The following CREBBP variants were observed in gnomAD, a reference collection of about 807,000 sequenced individuals.
CREBBP encodes CREB-binding protein.
Under a neutral mutation model 265.0 loss-of-function variants are expected in CREBBP, and 19 were observed. That is an observed-to-expected ratio of 0.07 (90% confidence interval 0.05 to 0.11). CREBBP has a LOEUF of 0.11. CREBBP is among the 10% of genes least tolerant of loss of function. The probability of loss-of-function intolerance (pLI) is 1.00; values close to 1 mark genes in which losing one functional copy is unlikely to be tolerated. For missense variants in CREBBP, 2,525 were observed against 3,219.0 expected, an observed-to-expected ratio of 0.78 and a Z score of 5.22; for synonymous variants, 1,457 against 1,223.7, an observed-to-expected ratio of 1.19 and a Z score of -3.98.
At chr16:3,823,923 T>C (rs1452099187) in intron 2 of CREBBP, among the ~76,000 whole-genome samples, 4 of 152,010 alleles carry the variant, frequency 2.6e-5, no homozygotes, top group East Asian at 3.9e-4. Flanking sequence ...GATGCTCTTA[T>C]CTTTAGGACA....
intron 3 of CREBBP, among the ~76,000 whole-genome samples, chr16:3,795,137 C>G (rs148322343): frequency 5.3e-5 from 8 of 152,144 alleles, no homozygotes; most frequent in African/African-American, 1.7e-4. Flanking sequence ...TGAGAAGGAC[C>G]CAAAGCAATT....
chr16:3,814,675 TCAA>T (rs1203186885), intron 2 of CREBBP, among the ~76,000 whole-genome samples: 2 of 152,118 alleles, frequency 1.3e-5, no homozygotes, highest in African/African-American at 4.8e-5. Flanking sequence ...GGAAACAGTC[TCAA>T]CAAGTTTTTA....
chr16:3,748,021 C>T (rs200772808), intron 21 of CREBBP, among the ~76,000 whole-genome samples: 9 of 152,170 alleles, frequency 5.9e-5, no homozygotes, highest in African/African-American at 1.9e-4. Flanking sequence ...ACCCGGGAGA[C>T]GGAGGTTGCG....
At chr16:3,846,890 C>G (rs2054679300) in intron 2 of CREBBP, among the ~76,000 whole-genome samples, 1 of 152,200 alleles carries the variant, frequency 6.6e-6, no homozygotes, top group Admixed American at 6.5e-5. Flanking sequence ...AGAATTAACT[C>G]TCTGGTTCTT....
Position 3,736,152 on chromosome 16 carries a change from G to C in CREBBP, c.4612C>G (p.Pro1538Ala). ...EDRLTSAKEL[P>A]YFEGDFWPNV... is the part of the protein sequence containing the mutation. ...GGCCAGAAATCACCTTCAAAATAGG[G>C]CAGTTCCTTGGCACTGGTGAGCCTG... The change falls in exon 28 of 31, where the codon CCC (proline) becomes GCC (alanine). Residue 1538 changes from proline to alanine, a missense_variant. Around this residue, in one of 19 missense-constraint regions of CREBBP, gnomAD observed 93 missense variants for 161.5 expected, o/e 0.58. Coordinates refer to ENST00000262367, the MANE Select transcript of CREBBP (RefSeq NM_004380.3). The C allele has an allele frequency of 1.2e-6, 2 of 1,614,190 alleles. No individual in the cohort carries two copies. Among genetic ancestry groups the C allele is most frequent in the Non-Finnish European group, 1.7e-6 (2 of 1,180,036 alleles).
rs534544169 is a variant in CREBBP at position 3,758,854 on chromosome 16, T to C, written c.3369A>G (p.Pro1123=). The change falls in exon 17 of 31, where the codon CCA becomes CCG. Residue 1123 remains proline, a splice_region_variant and synonymous_variant. Coordinates refer to ENST00000262367, the MANE Select transcript of CREBBP (RefSeq NM_004380.3). ...QPVDPQLLGI[P]DYFDIVKNPM... is the part of the protein sequence containing the mutation. Reference sequence around the variant, plus strand: ...AATCTATTTTTATGAATTAACTTACTGGAATTCCGAGGAGCTGGGGATCTA... The same window carrying C: ...AATCTATTTTTATGAATTAACTTACCGGAATTCCGAGGAGCTGGGGATCTA... 2.5e-6 allele frequency: 4 copies of C among 1,605,328 alleles called. No homozygotes were observed. The highest frequency in any genetic ancestry group is 1.1e-5 in the South Asian group (1 of 90,854).
chr16:3,862,983 A>G (rs961369329), intron 1 of CREBBP, among the ~76,000 whole-genome samples: 6 of 152,196 alleles, frequency 3.9e-5, no homozygotes, highest in African/African-American at 1.2e-4. Context: ...TTCATTTAAC[A>G]TGGAAACATG....
chr16:3,786,406 T>C (rs1166543379), intron 5 of CREBBP, among the ~76,000 whole-genome samples: 3 of 152,178 alleles, frequency 2.0e-5, no homozygotes, highest in African/African-American at 7.2e-5. Flanking sequence ...AGAGGTTTTC[T>C]GTACAGTCTA....
At chr16:3,770,221 G>A (rs2052966277) in intron 14 of CREBBP, among the ~76,000 whole-genome samples, 1 of 151,442 alleles carries the variant, frequency 6.6e-6, no homozygotes, top group Non-Finnish European at 1.5e-5. Flanking sequence ...TCGCTCTGTT[G>A]CCCAGGCTGG....
chr16:3,780,936 T>C lies in CREBBP; in HGVS notation c.1677-58A>G, dbSNP rs556541455. The C allele has an allele frequency of 2.8e-4, 452 of 1,597,102 alleles. 1 individual carries two copies. The highest frequency in any genetic ancestry group is 8.0e-4 in the South Asian group (72 of 89,880). On this transcript the variant is annotated intron_variant, in intron 7 of 30. Transcript: ENST00000262367. ...ACTGAAGTGACTCAAACACACTTTG[T>C]CTAGTAAGGTTCTTCTGCCACCACA... is the stretch of plus-strand genomic sequence containing the variant.
intron 1 of CREBBP, among the ~76,000 whole-genome samples, chr16:3,857,369 A>C (rs1052637402): frequency 1.3e-5 from 2 of 152,218 alleles, no homozygotes; most frequent in African/African-American, 4.8e-5. Context: ...CCAAATATAC[A>C]GGTGTGGCTT....
Position 3,739,743 on chromosome 16 carries a change from C to A in CREBBP, c.4134-19G>T, listed in dbSNP as rs1313854549. 1 of 1,614,222 alleles carries A rather than the reference C, an allele frequency of 6.2e-7. No homozygotes were observed. The highest frequency in any genetic ancestry group is 2.2e-5 in the East Asian group (1 of 44,892). On this transcript the variant is annotated intron_variant, in intron 24 of 30. Transcript: ENST00000262367. ...CACAAACCTGAAACAAAAGCCAGAG[C>A]CGGACATTTACAAAGGCTGTTGCTG...
intron 3 of CREBBP, among the ~76,000 whole-genome samples, chr16:3,809,238 C>T (rs12920612): frequency 0.078 from 11,860 of 151,492 alleles, 632 homozygotes; most frequent in East Asian, 0.29. Context: ...AGTGCAGTGG[C>T]GCGATCTCCG....
At chr16:3,773,188 T>G (rs1039161140) in intron 13 of CREBBP, among the ~76,000 whole-genome samples, 1 of 152,072 alleles carries the variant, frequency 6.6e-6, no homozygotes, top group African/African-American at 2.4e-5. Context: ...ACAGTAGCAA[T>G]GATACGCACT....
intron 21 of CREBBP, among the ~76,000 whole-genome samples, chr16:3,749,070 C>A (rs1397412916): frequency 6.6e-6 from 1 of 152,182 alleles, no homozygotes. Context: ...TGGCGTGAAC[C>A]CGGGAGGCGG....
intron 2 of CREBBP, among the ~76,000 whole-genome samples, chr16:3,814,093 G>T (rs1440137713): frequency 6.6e-6 from 1 of 152,190 alleles, no homozygotes; most frequent in East Asian, 1.9e-4. Flanking sequence ...GCCAGGGTGA[G>T]TATGAGTGTG....
chr16:3,747,431 C>T (rs1002632652), intron 21 of CREBBP, among the ~76,000 whole-genome samples: 58 of 152,302 alleles, frequency 3.8e-4, no homozygotes, highest in Admixed American at 5.2e-4. Context: ...TGCTCTGCAG[C>T]TTCAATGTAA....
At chr16:3,874,383 G>A (rs901373491) in intron 1 of CREBBP, among the ~76,000 whole-genome samples, 4 of 152,186 alleles carry the variant, frequency 2.6e-5, no homozygotes, top group African/African-American at 9.7e-5. Context: ...GTAGGCCAGT[G>A]CTCCCCAACG....
chr16:3,746,053 A>T (rs971566819), intron 21 of CREBBP, among the ~76,000 whole-genome samples: 2 of 152,126 alleles, frequency 1.3e-5, no homozygotes, highest in African/African-American at 4.8e-5. Context: ...TCAACCCAGG[A>T]ATCTTAAATG....
Sources: gnomAD v4.1 joint callset for allele counts (sites outside exome capture counted in the v4.1 genomes callset) on GRCh38, gnomAD v4.1.1 for gene constraint, gnomAD v4.1.1 regional missense constraint, MANE v1.5 for transcripts, NCBI Gene and HGNC (gene_info 2026-07-23, HGNC 2026-07-21) for gene names.